The following PPP1R12A variants were observed in gnomAD, a reference collection of about 807,000 sequenced individuals.
The protein encoded by PPP1R12A is myosin binding subunit.
A neutral mutation model predicts 139.6 loss-of-function variants in PPP1R12A; 19 were observed. The ratio of observed to expected loss-of-function variants is 0.14; its 90% CI spans 0.09 to 0.20. The LOEUF (loss-of-function observed/expected upper bound fraction) is 0.20. Among genes scored for constraint, PPP1R12A ranks in the 10% least tolerant of loss-of-function variants. The probability of loss-of-function intolerance (pLI) is 1.00; values close to 1 mark genes in which losing one functional copy is unlikely to be tolerated. For missense variants in PPP1R12A, 925 were observed against 1,211.5 expected, an observed-to-expected ratio of 0.76 and a Z score of 3.51; for synonymous variants, 427 against 420.6, an observed-to-expected ratio of 1.02 and a Z score of -0.19.
chr12:79,804,065 C>T (rs1157256689), intron 14 of PPP1R12A, among the ~76,000 whole-genome samples: 3 of 151,954 alleles, frequency 2.0e-5, no homozygotes, highest in African/African-American at 7.2e-5. Flanking sequence ...AAATCAAACA[C>T]CTCATTTAAC....
chr12:79,891,708 T>TAA (rs1267030864), intron 1 of PPP1R12A, among the ~76,000 whole-genome samples: 1 of 152,162 alleles, frequency 6.6e-6, no homozygotes, highest in African/African-American at 2.4e-5. Context: ...GATTAGGTTA[T>TAA]AAAAAGACTA....
intron 17 of PPP1R12A, among the ~76,000 whole-genome samples, chr12:79,796,163 C>A (rs901558992): frequency 1.3e-5 from 2 of 152,024 alleles, no homozygotes; most frequent in East Asian, 3.9e-4. Context: ...CTGATATTAT[C>A]ATGACTAATA....
At chr12:79,776,704 C>T (rs1428640662) in intron 24 of PPP1R12A, among the ~76,000 whole-genome samples, 1 of 152,114 alleles carries the variant, frequency 6.6e-6, no homozygotes, top group African/African-American at 2.4e-5. Context: ...AACAACACAT[C>T]TCAATTTTCT....
intron 1 of PPP1R12A, among the ~76,000 whole-genome samples, chr12:79,928,601 T>C (rs1310885814): frequency 6.6e-6 from 1 of 152,242 alleles, no homozygotes; most frequent in Non-Finnish European, 1.5e-5. Context: ...CAAATTTTAA[T>C]GCTCTTTAAA....
intron 22 of PPP1R12A, among the ~76,000 whole-genome samples, chr12:79,783,011 G>T (rs1013804643): frequency 6.6e-6 from 1 of 151,806 alleles, no homozygotes; most frequent in Non-Finnish European, 1.5e-5. Context: ...CAATTTTTAC[G>T]GTTATGGTGT....
chr12:79,848,350 A>C (rs759464246), intron 2 of PPP1R12A, among the ~76,000 whole-genome samples: 1 of 152,218 alleles, frequency 6.6e-6, no homozygotes, highest in Non-Finnish European at 1.5e-5. Context: ...CCTAGGCAAA[A>C]TTCCAAACAA....
At chr12:79,859,095 G>T (rs1214006906) in intron 2 of PPP1R12A, among the ~76,000 whole-genome samples, 3 of 152,200 alleles carry the variant, frequency 2.0e-5, no homozygotes, top group African/African-American at 7.2e-5. Flanking sequence ...AACAACAGTG[G>T]GAGGCCAAGG....
intron 1 of PPP1R12A, among the ~76,000 whole-genome samples, chr12:79,914,619 G>A (rs1217524617): frequency 6.6e-6 from 1 of 151,920 alleles, no homozygotes; most frequent in African/African-American, 2.4e-5. Flanking sequence ...CAAAATACAT[G>A]ATTACAGTTA....
At chr12:79,905,131 T>C (rs988268272) in intron 1 of PPP1R12A, among the ~76,000 whole-genome samples, 6 of 152,320 alleles carry the variant, frequency 3.9e-5, no homozygotes, top group African/African-American at 1.4e-4. Context: ...AGCTATTACT[T>C]TCCTGCTTAG....
intron 2 of PPP1R12A, among the ~76,000 whole-genome samples, chr12:79,848,627 G>C (rs982515039): frequency 6.6e-6 from 1 of 152,112 alleles, no homozygotes; most frequent in Non-Finnish European, 1.5e-5. Context: ...TGAGCCAAAA[G>C]ATTACGTACG....
At chr12:79,865,761 G>A (rs1462252618) in intron 2 of PPP1R12A, among the ~76,000 whole-genome samples, 1 of 152,126 alleles carries the variant, frequency 6.6e-6, no homozygotes, top group East Asian at 1.9e-4. Context: ...CAACTTATAA[G>A]CGATGTGAAG....
At chr12:79,935,209 G>A, upstream of PPP1R12A, 1 of 1,303,308 alleles carries the variant, frequency 7.7e-7, no homozygotes, top group Non-Finnish European at 9.8e-7. Flanking sequence ...GCGAGATCCG[G>A]ACTGGGAGGC....
At chr12:79,851,194 C>T (rs1034643086) in intron 2 of PPP1R12A, among the ~76,000 whole-genome samples, 2 of 152,136 alleles carry the variant, frequency 1.3e-5, no homozygotes, top group African/African-American at 4.8e-5. Flanking sequence ...ATTAAACTAT[C>T]TGAACTATTC....
intron 1 of PPP1R12A, among the ~76,000 whole-genome samples, chr12:79,890,889 ACCCACC>A (rs1189177994): frequency 8.8e-4 from 81 of 92,562 alleles, no homozygotes; most frequent in South Asian, 3.3e-3. Flanking sequence ...CACACACACC[ACCCACC>A]CACACCCACC....
intron 1 of PPP1R12A, among the ~76,000 whole-genome samples, chr12:79,932,684 C>T (rs1888339488): frequency 6.6e-6 from 1 of 152,116 alleles, no homozygotes; most frequent in Admixed American, 6.6e-5. Flanking sequence ...TTCAGTTAAT[C>T]AGGAAGACAT....
chr12:79,899,017 C>A (rs750882194), intron 1 of PPP1R12A, among the ~76,000 whole-genome samples: 44 of 151,954 alleles, frequency 2.9e-4, no homozygotes, highest in Middle Eastern at 3.2e-3. Context: ...CATCTAGATT[C>A]TACTATTAAT....
intron 2 of PPP1R12A, among the ~76,000 whole-genome samples, chr12:79,850,367 G>A (rs1245239713): frequency 6.6e-6 from 1 of 152,132 alleles, no homozygotes; most frequent in African/African-American, 2.4e-5. Flanking sequence ...GTGAGATTCT[G>A]GGTTAACTGA....
At chr12:79,931,672 G>A (rs1466893167) in intron 1 of PPP1R12A, among the ~76,000 whole-genome samples, 1 of 152,146 alleles carries the variant, frequency 6.6e-6, no homozygotes, top group East Asian at 1.9e-4. Context: ...AAAATCAGAA[G>A]CTGATTATTG....
At chr12:79,905,652 G>T (rs868674077) in intron 1 of PPP1R12A, among the ~76,000 whole-genome samples, 5 of 152,038 alleles carry the variant, frequency 3.3e-5, no homozygotes, top group Non-Finnish European at 7.4e-5. Flanking sequence ...TTCCAATTAC[G>T]CATATTTTTA....
Sources: gnomAD v4.1 joint callset for allele counts (sites outside exome capture counted in the v4.1 genomes callset) on GRCh38, gnomAD v4.1.1 for gene constraint, MANE v1.5 for transcripts, NCBI Gene and HGNC (gene_info 2026-07-23, HGNC 2026-07-21) for gene names.